ZNF446: variants seen among roughly 807,000 people sequenced by gnomAD.
ZNF446 encodes the protein zinc finger protein with KRAB and SCAN domains 20.
ZNF446 carries 42 observed loss-of-function variants against 34.0 expected under a neutral mutation model. The ratio of observed to expected loss-of-function variants is 1.23; its 90% CI spans 0.96 to 1.60. ZNF446 has a LOEUF of 1.60. ZNF446 is among the 40% of genes most tolerant of loss of function. ZNF446 has a pLI of 0.00. For synonymous variants in ZNF446, 315 were observed against 251.0 expected (o/e 1.25, Z -2.41); for missense variants, 650 against 600.2 (o/e 1.08, Z -0.87).
Position 58,480,071 on chromosome 19 carries a change from C to A in ZNF446, c.802+52C>A. The A allele has an allele frequency of 1.3e-6, 2 of 1,558,206 alleles. No homozygotes were observed. The highest frequency in any genetic ancestry group is 8.6e-7 in the Non-Finnish European group (1 of 1,157,914). ...AATCACCCCTCCTGTATCGGTGGGA[C>A]CTGAGCCACCCACTCATGGGGGGAC... is the stretch of plus-strand genomic sequence containing the variant. On this transcript the variant is annotated intron_variant, in intron 6 of 6. Transcript: ENST00000594369. The surrounding 1 kb of genome is among the most constrained non-coding windows in gnomAD (Gnocchi z 7.2).
intron 4 of ZNF446, 30 bp from the exon 5 acceptor site, chr19:58,479,613 G>A: frequency 6.2e-7 from 1 of 1,610,012 alleles, no homozygotes; most frequent in Non-Finnish European, 8.5e-7. Context: ...GGGGTGGAAA[G>A]ACGCCTACAG....
At chr19:58,483,074 T>C (rs1243964757), downstream of ZNF446, among the ~76,000 whole-genome samples, 1 of 152,134 alleles carries the variant, frequency 6.6e-6, no homozygotes, top group Non-Finnish European at 1.5e-5. Context: ...AGTTTACATA[T>C]AGAAGTGGTT....
chr19:58,480,466 C>T lies in ZNF446; in HGVS notation c.1093C>T (p.Leu365=), dbSNP rs2053129536. The T allele has an allele frequency of 1.9e-6, 3 of 1,612,836 alleles. No homozygotes were observed. The highest frequency in any genetic ancestry group is 2.5e-6 in the Non-Finnish European group (3 of 1,179,950). The change falls in exon 7 of 7, where the codon CTA becomes TTA. Residue 365 remains leucine, a synonymous_variant. Coordinates refer to ENST00000594369, the MANE Select transcript of ZNF446 (RefSeq NM_017908.4). This position sits in a 1 kb window ranked among gnomAD's most constrained non-coding sequence, Gnocchi z 7.2. ...TSGPGVQSPG[L]ATGESTEKPP... ...TGGGCCAGGTGTGCAGTCCCCGGGG[C>T]TAGCCACCGGGGAAAGCACAGAGAA...
In ZNF446 at chr19:58,477,369, T is replaced by A; in HGVS notation, c.151T>A (p.Cys51Ser). The A allele has an allele frequency of 6.2e-7, 1 of 1,613,294 alleles. No individual in the cohort carries two copies. The highest frequency in any genetic ancestry group is 8.5e-7 in the Non-Finnish European group (1 of 1,179,958). Residue 51 changes from cysteine to serine, a missense_variant, in exon 2 of 7, where the codon TGT (cysteine) becomes AGT (serine). Physicochemically the swap from Cys to Ser is moderately radical, Grantham distance 112. Coordinates refer to ENST00000594369, the MANE Select transcript of ZNF446 (RefSeq NM_017908.4). ...REALARLREL[C>S]CQWLQPEAHS... ...AGCCCTGGCCCGGCTGCGTGAGCTG[T>A]GTTGCCAGTGGCTGCAGCCTGAGGC...
At chr19:58,486,291 A>G in the ZNF446 span, among the ~76,000 whole-genome samples, 2 of 151,756 alleles carry the variant, frequency 1.3e-5, no homozygotes, top group African/African-American at 4.8e-5. Context: ...GGGTTTCACC[A>G]TGTTAGCCAG....
intron 1 of ZNF446, among the ~76,000 whole-genome samples, chr19:58,476,962 C>A (rs957598932): frequency 5.3e-5 from 8 of 152,170 alleles, no homozygotes; most frequent in African/African-American, 1.9e-4. Flanking sequence ...GGACACCTTG[C>A]GTCCAAGCAT....
rs201374214 is a variant in ZNF446 at position 58,480,749 on chromosome 19, C to T, written c.*23C>T. 155 of 1,585,038 alleles carry T rather than the reference C, an allele frequency of 9.8e-5. No individual in the cohort carries two copies. In the East Asian group the frequency reaches 2.7e-3, roughly 28 times the overall value. ...TGAGCAGCCAGACAGCACAGTCCCT[C>T]GGGGCCTCGGTGTTCTCGGGGCCTG... On this transcript the variant is annotated 3_prime_UTR_variant, in exon 7 of 7. Coordinates refer to ENST00000594369, the MANE Select transcript of ZNF446 (RefSeq NM_017908.4). This position sits in a 1 kb window ranked among gnomAD's most constrained non-coding sequence, Gnocchi z 7.2.
rs764035446 is a variant in ZNF446 at position 58,477,242 on chromosome 19, A to T, written c.24A>T (p.Pro8=). The stretch of plus-strand genomic sequence containing the variant: ...GAATGCCATCCCCTCTGGGTCCCCC[A>T]TGCCTGCCCGTCATGGACCCAGAGA... MPSPLGP[P]CLPVMDPETT... is the part of the protein sequence containing the mutation. The change falls in exon 2 of 7, where the codon CCA becomes CCT. Residue 8 remains proline, a synonymous_variant. Coordinates refer to ENST00000594369, the MANE Select transcript of ZNF446 (RefSeq NM_017908.4). 1.3e-6 allele frequency: 2 copies of T among 1,587,228 alleles called. No individual in the cohort carries two copies. Among genetic ancestry groups the T allele is most frequent in the Admixed American group, 1.7e-5 (1 of 58,010 alleles).
In ZNF446 at chr19:58,479,680, TG is replaced by T; in HGVS notation, c.666del (p.Tyr223ThrfsTer143). 1 of 1,613,828 alleles carries T rather than the reference TG, an allele frequency of 6.2e-7. No homozygotes were observed. The highest frequency in any genetic ancestry group is 8.5e-7 in the Non-Finnish European group (1 of 1,179,952). ...WGLLDRSQKE[L>X]YWDAMLEKYG... is the part of the protein sequence containing the mutation. ...CTGCTGGACCGGTCACAGAAGGAACTGTACTGGGATGCGATGCTGGAGAAGT... is the reference window on the plus strand; with the variant it reads ...CTGCTGGACCGGTCACAGAAGGAACTTACTGGGATGCGATGCTGGAGAAGT... On this transcript the variant is annotated frameshift_variant, in exon 5 of 7. Coordinates refer to ENST00000594369, the MANE Select transcript of ZNF446 (RefSeq NM_017908.4). LOFTEE classifies it high-confidence loss of function.
rs766533535 is a variant in ZNF446, at chr19:58,480,482, G to A, written c.1109G>A (p.Ser370Asn). ...VQSPGLATGE[S>N]TEKPPQGEVA... ...TCCCCGGGGCTAGCCACCGGGGAAA[G>A]CACAGAGAAGCCACCACAAGGGGAG... The change falls in exon 7 of 7, where the codon AGC (serine) becomes AAC (asparagine). Residue 370 changes from serine (S) to asparagine (N), a missense_variant. Physicochemically the swap from Ser to Asn is conservative, Grantham distance 46. Transcript: ENST00000594369. The surrounding 1 kb of genome is among the most constrained non-coding windows in gnomAD (Gnocchi z 7.2). 2.5e-6 allele frequency: 4 copies of A among 1,612,810 alleles called. No individual in the cohort carries two copies. Among genetic ancestry groups the A allele is most frequent in the African/African-American group, 1.3e-5 (1 of 74,884 alleles).
chr19:58,477,885 G>C, intron 3 of ZNF446, 59 bp downstream of exon 3: 2 of 1,456,036 alleles, frequency 1.4e-6, no homozygotes, highest in Non-Finnish European at 9.1e-7. Flanking sequence ...GACATTCCTG[G>C]CTAGGGTGGG....
chr19:58,489,463 C>T, the ZNF446 span, among the ~76,000 whole-genome samples: 3 of 152,168 alleles, frequency 2.0e-5, no homozygotes, highest in Admixed American at 6.6e-5. Flanking sequence ...ACCAAGTTGT[C>T]CTTAAAAACT....
chr19:58,479,803 G>A (rs770604827), intron 5 of ZNF446, 76 bp downstream of exon 5: 2 of 1,527,362 alleles, frequency 1.3e-6, no homozygotes, highest in Non-Finnish European at 1.8e-6. Flanking sequence ...AGCTGGGCAG[G>A]GCCTCTGTGC....
chr19:58,479,563 C>G (rs747083955), intron 4 of ZNF446, 80 bp from the exon 5 acceptor site: 1 of 1,486,258 alleles, frequency 6.7e-7, no homozygotes, highest in Non-Finnish European at 9.2e-7. Flanking sequence ...CTGACTCTTC[C>G]GGGTAATAGG....
At position 58,477,526 on chromosome 19, in the gene ZNF446, G is replaced by A; in HGVS notation, c.308G>A (p.Gly103Glu). 1 of 1,612,600 alleles carries A rather than the reference G, an allele frequency of 6.2e-7. No individual in the cohort carries two copies. The highest frequency in any genetic ancestry group is 1.1e-5 in the South Asian group (1 of 90,986). Residue 103 changes from glycine to glutamate, a missense_variant, in exon 2 of 7, where the codon GGA becomes GAA. Transcript: ENST00000594369. ...GAGGAGGCCGCTGCCCTAGTCGAAG[G>A]ACTGCAGCATGACCCTGGGCAACTG... ...SPEEAAALVEGLQHDPGQLLG... is the reference protein window; with the variant it reads ...SPEEAAALVEELQHDPGQLLG...
At chr19:58,489,503 C>G in the ZNF446 span, among the ~76,000 whole-genome samples, 12 of 152,168 alleles carry the variant, frequency 7.9e-5, no homozygotes, top group Non-Finnish European at 1.6e-4. Context: ...GGAGACTGAT[C>G]TGAGTGATAA....
chr19:58,479,961 C>G lies in ZNF446; in HGVS notation c.744C>G (p.Ala248=), dbSNP rs764670961. ...GLPPHQPEAQ[A]QSELGMLLTG... ...CGCCCCACCAGCCAGAGGCACAGGC[C>G]CAGTCAGAGCTGGGGATGCTGCTCA... Residue 248 remains alanine (A), a synonymous_variant, in exon 6 of 7, where the codon GCC becomes GCG. Coordinates refer to ENST00000594369, the MANE Select transcript of ZNF446 (RefSeq NM_017908.4). 2.5e-5 allele frequency: 39 copies of G among 1,588,370 alleles called. No individual in the cohort carries two copies. The highest frequency in any genetic ancestry group is 3.2e-5 in the Non-Finnish European group (38 of 1,170,126).
In ZNF446 at chr19:58,479,727, G is replaced by C. The variant is rs752978153; in HGVS notation, c.712G>C (p.Gly238Arg). 2 of 1,611,388 alleles carry C rather than the reference G, an allele frequency of 1.2e-6. No homozygotes were observed. Among genetic ancestry groups the C allele is most frequent in the Admixed American group, 1.7e-5 (1 of 59,604 alleles). The stretch of plus-strand genomic sequence containing the variant: ...GAAGTACGGCACAGTGGTCTCCCTG[G>C]GTGAGGACCAGCCAGCCCCACCCCG... ...LEKYGTVVSLGLPPHQPEAQA... is the reference protein window; with the variant it reads ...LEKYGTVVSLRLPPHQPEAQA... The change falls in exon 5 of 7, where the codon GGG (glycine) becomes CGG (arginine). Residue 238 changes from glycine (G) to arginine (R), a missense_variant and splice_region_variant. Physicochemically the swap from Gly to Arg is moderately radical, Grantham distance 125. Coordinates refer to ENST00000594369, the MANE Select transcript of ZNF446 (RefSeq NM_017908.4).
the ZNF446 span, among the ~76,000 whole-genome samples, chr19:58,489,398 T>C: frequency 6.6e-6 from 1 of 152,146 alleles, no homozygotes; most frequent in Non-Finnish European, 1.5e-5. Context: ...TTCGACTCTG[T>C]ATGATCTCAT....
Sources: gnomAD v4.1 joint callset for allele counts (sites outside exome capture counted in the v4.1 genomes callset) on GRCh38, gnomAD v4.1.1 for gene constraint, Gnocchi (gnomAD v3.1) non-coding constraint, MANE v1.5 for transcripts, NCBI Gene and HGNC (gene_info 2026-07-23, HGNC 2026-07-21) for gene names.